Variants in ESRRG observed in about 807,000 individuals in gnomAD.
The protein encoded by ESRRG is estrogen related receptor gamma, also known as estrogen-related receptor gamma.
In ESRRG, 13 loss-of-function variants were observed where a neutral mutation model predicts 44.0. The ratio of observed to expected loss-of-function variants is 0.30; its 90% CI spans 0.19 to 0.47. The LOEUF (loss-of-function observed/expected upper bound fraction) is 0.47. Ranked by LOEUF, ESRRG falls within the 20% of genes least tolerant of loss-of-function variation. ESRRG has a pLI of 1.00. For synonymous variants in ESRRG, 215 were observed against 214.6 expected, an observed-to-expected ratio of 1.00 and a Z score of -0.02; for missense variants, 395 against 580.6, an observed-to-expected ratio of 0.68 and a Z score of 3.29.
intron 1 of ESRRG, among the ~76,000 whole-genome samples, chr1:217,131,742 C>T (rs777231974): frequency 2.0e-5 from 3 of 152,174 alleles, no homozygotes; most frequent in Non-Finnish European, 2.9e-5. Flanking sequence ...AATTCTATTT[C>T]TTCACTTAAG....
At chr1:216,779,134 A>G (rs1299188725) in intron 2 of ESRRG, among the ~76,000 whole-genome samples, 1 of 119,058 alleles carries the variant, frequency 8.4e-6, no homozygotes, top group Non-Finnish European at 1.7e-5. Context: ...ATATGTAAAT[A>G]TAAATATATA....
chr1:216,779,315 A>G, intron 2 of ESRRG, among the ~76,000 whole-genome samples: 1 of 82,398 alleles, frequency 1.2e-5, no homozygotes, highest in African/African-American at 5.0e-5. Context: ...CATTATATTT[A>G]TAAATATAAA....
chr1:217,110,592 A>G (rs1185998606), intron 1 of ESRRG, among the ~76,000 whole-genome samples: 1 of 152,152 alleles, frequency 6.6e-6, no homozygotes, highest in South Asian at 2.1e-4. Flanking sequence ...GTGGAAGGCA[A>G]AGGGGGAGCA....
chr1:217,031,955 T>G (rs2082132287), intron 1 of ESRRG, among the ~76,000 whole-genome samples: 2 of 152,166 alleles, frequency 1.3e-5, no homozygotes, highest in African/African-American at 4.8e-5. Flanking sequence ...CAGCTCTTTA[T>G]AGCAGCATGA....
At chr1:216,690,419 T>C (rs1335133846) in intron 1 of ESRRG, among the ~76,000 whole-genome samples, 1 of 152,048 alleles carries the variant, frequency 6.6e-6, no homozygotes, top group East Asian at 1.9e-4. Context: ...ACTGTAAAAT[T>C]CTGTGATGTT....
chr1:216,801,281 C>G (rs564308541), intron 2 of ESRRG, among the ~76,000 whole-genome samples: 1 of 152,254 alleles, frequency 6.6e-6, no homozygotes, highest in Non-Finnish European at 1.5e-5. Context: ...GTTGTCCAGG[C>G]TGGACTCGAA....
chr1:216,812,928 G>A (rs1014705162), intron 2 of ESRRG, among the ~76,000 whole-genome samples: 1 of 152,134 alleles, frequency 6.6e-6, no homozygotes, highest in Non-Finnish European at 1.5e-5. Context: ...AGGACAGAAG[G>A]GGTTCCATAT....
chr1:216,862,744 GGTCAGT>G (rs2096074117), intron 2 of ESRRG: 1 of 152,130 alleles, frequency 6.6e-6, no homozygotes, highest in Non-Finnish European at 1.5e-5. Flanking sequence ...GGGGGAAGTA[GGTCAGT>G]AAAGGGGTCA....
chr1:216,620,211 G>T (rs2150453574), intron 3 of ESRRG, among the ~76,000 whole-genome samples: 1 of 152,176 alleles, frequency 6.6e-6, no homozygotes, highest in South Asian at 2.1e-4. Context: ...TAATATCTCA[G>T]TTCCCCAATT....
intron 5 of ESRRG, 33 bp downstream of exon 5, chr1:216,564,186 C>T (rs199559683): frequency 5.6e-4 from 785 of 1,408,542 alleles, no homozygotes; most frequent in Non-Finnish European, 6.9e-4. Context: ...TAATTGCAAC[C>T]TTTTCTTTTC....
intron 2 of ESRRG, among the ~76,000 whole-genome samples, chr1:216,929,201 C>G (rs74410680): frequency 0.016 from 2,446 of 152,286 alleles, 79 homozygotes; most frequent in African/African-American, 0.056. Context: ...TCAGAAGACA[C>G]TTGTCAGGCT....
intron 1 of ESRRG, among the ~76,000 whole-genome samples, chr1:217,066,113 C>T (rs1346827836): frequency 6.6e-6 from 1 of 152,210 alleles, no homozygotes; most frequent in Non-Finnish European, 1.5e-5. Context: ...GCTATCGCTA[C>T]TGTTGTGCTG....
intron 2 of ESRRG, among the ~76,000 whole-genome samples, chr1:216,823,460 G>A (rs1019522063): frequency 1.3e-5 from 2 of 152,146 alleles, no homozygotes; most frequent in Non-Finnish European, 2.9e-5. Flanking sequence ...GATTGGTATT[G>A]CAGTGGTGTG....
At chr1:217,050,740 A>G (rs1352747635) in intron 1 of ESRRG, among the ~76,000 whole-genome samples, 1 of 152,132 alleles carries the variant, frequency 6.6e-6, no homozygotes, top group East Asian at 1.9e-4. Flanking sequence ...TTGTTTACAA[A>G]TGGTCACAGC....
chr1:216,996,158 T>C (rs1311987319), intron 1 of ESRRG, among the ~76,000 whole-genome samples: 1 of 152,168 alleles, frequency 6.6e-6, no homozygotes, highest in Non-Finnish European at 1.5e-5. Flanking sequence ...AGATTTAAAA[T>C]GAGGGGGAAT....
intron 2 of ESRRG, chr1:216,805,116 T>A (rs2094746703): frequency 6.6e-6 from 1 of 152,176 alleles, no homozygotes; most frequent in South Asian, 2.1e-4. Flanking sequence ...TGAATCGAGA[T>A]GTGGTGGCAG....
chr1:216,610,318 G>A (rs2060470897), intron 3 of ESRRG, among the ~76,000 whole-genome samples: 1 of 151,936 alleles, frequency 6.6e-6, no homozygotes, highest in South Asian at 2.1e-4. Context: ...AAAAATATAG[G>A]CTTACAATAT....
intron 2 of ESRRG, among the ~76,000 whole-genome samples, chr1:216,813,965 A>G (rs2095054915): frequency 6.6e-6 from 1 of 152,214 alleles, no homozygotes; most frequent in Non-Finnish European, 1.5e-5. Flanking sequence ...AAAGAGATTA[A>G]GCATGCTAAT....
chr1:216,561,241 A>G lies in ESRRG; in HGVS notation c.862+2978T>C, dbSNP rs116035848. ...CAAAAGTACATTCGAAGCAGCACAG[A>G]AAAACTACTCATTTTCGATGCTAAA... On this transcript the variant is annotated intron_variant, in intron 5 of 6. Transcript: ENST00000408911. Among the ~76,000 whole-genome samples the G allele has an allele frequency of 3.9e-3, 597 of 152,298 alleles. 4 individuals carry two copies. The highest frequency in any genetic ancestry group is 0.014 in the African/African-American group (569 of 41,570).
Sources: gnomAD v4.1 joint callset for allele counts (sites outside exome capture counted in the v4.1 genomes callset) on GRCh38, gnomAD v4.1.1 for gene constraint, MANE v1.5 for transcripts, NCBI Gene and HGNC (gene_info 2026-07-23, HGNC 2026-07-21) for gene names.